GRM5: variants seen among roughly 807,000 people sequenced by gnomAD.
The protein encoded by GRM5 is metabotropic glutamate receptor 5.
GRM5 carries 19 observed loss-of-function variants against 83.1 expected under a neutral mutation model. That is an observed-to-expected ratio of 0.23 (90% CI 0.16 to 0.34). The LOEUF is 0.34. Ranked by LOEUF, GRM5 falls within the 10% of genes least tolerant of loss-of-function variation. The pLI, the probability that GRM5 is intolerant of heterozygous loss-of-function variation, is 1.00. For missense variants in GRM5, 1,160 were observed against 1,588.3 expected (o/e 0.73, Z 4.58); for synonymous variants, 675 against 633.6 (o/e 1.07, Z -0.98).
chr11:88,912,411 A>G (rs1188357269), intron 2 of GRM5, among the ~76,000 whole-genome samples: 1 of 151,546 alleles, frequency 6.6e-6, no homozygotes, highest in African/African-American at 2.4e-5. Flanking sequence ...TTGGCTTCCT[A>G]AAGTGCACAG....
intron 2 of GRM5, among the ~76,000 whole-genome samples, chr11:89,032,170 T>C (rs879868733): frequency 6.6e-6 from 1 of 152,110 alleles, no homozygotes; most frequent in Non-Finnish European, 1.5e-5. Context: ...AAATTTCATG[T>C]AATTGTTTTC....
At chr11:88,861,489 A>G (rs1380739650) in intron 2 of GRM5, among the ~76,000 whole-genome samples, 1 of 152,016 alleles carries the variant, frequency 6.6e-6, no homozygotes, top group Non-Finnish European at 1.5e-5. Context: ...TTCTGAGACA[A>G]GGTTTCACCC....
chr11:88,612,057 A>G (rs1249382670), intron 4 of GRM5, among the ~76,000 whole-genome samples: 3 of 150,186 alleles, frequency 2.0e-5, no homozygotes, highest in Non-Finnish European at 3.0e-5. Flanking sequence ...ATGCTGGTGC[A>G]CTGCACCCAC....
chr11:88,609,816 G>A (rs1479338663), intron 4 of GRM5, among the ~76,000 whole-genome samples: 2 of 152,150 alleles, frequency 1.3e-5, no homozygotes, highest in African/African-American at 4.8e-5. Context: ...TAAGGCTAAT[G>A]TTCAGAATGG....
At chr11:88,542,246 CAGTT>C (rs1591335327) in intron 8 of GRM5, among the ~76,000 whole-genome samples, 1 of 151,982 alleles carries the variant, frequency 6.6e-6, no homozygotes, top group Non-Finnish European at 1.5e-5. Flanking sequence ...GAAAGTCACA[CAGTT>C]AGATGAGGCA....
In GRM5 at chr11:88,508,934, G is replaced by A. The variant is rs1320092222; in HGVS notation, c.3297C>T (p.Ile1099=). ...TCGTGGGCAACTGGATCTCTTTGGG[G>A]ATCAGGTAGGACGAGCAGAGCGGGG... The part of the protein sequence containing the change: ...VGAPLCSSYL[I]PKEIQLPTTM... The change falls in exon 10 of 10, where the codon ATC becomes ATT. Residue 1099 remains isoleucine (I), a synonymous_variant. Transcript: ENST00000305447. This position sits in a 1 kb window ranked among gnomAD's most constrained non-coding sequence, Gnocchi z 4.2. 5 of 1,599,470 alleles carry A rather than the reference G, an allele frequency of 3.1e-6. No individual in the cohort carries two copies. Among genetic ancestry groups the A allele is most frequent in the Non-Finnish European group, 4.3e-6 (5 of 1,173,448 alleles).
At chr11:88,873,270 T>C (rs965720248) in intron 2 of GRM5, among the ~76,000 whole-genome samples, 2 of 151,578 alleles carry the variant, frequency 1.3e-5, no homozygotes, top group Admixed American at 1.3e-4. Flanking sequence ...GCGGTGGGTT[T>C]CAACACCCCA....
intron 3 of GRM5, among the ~76,000 whole-genome samples, chr11:88,755,733 G>A (rs1296328292): frequency 6.6e-6 from 1 of 152,038 alleles, no homozygotes; most frequent in African/African-American, 2.4e-5. Context: ...GGACCCATTT[G>A]CCTCCAAACA....
intron 3 of GRM5, among the ~76,000 whole-genome samples, chr11:88,821,685 C>T (rs1245734527): frequency 6.6e-6 from 1 of 152,148 alleles, no homozygotes; most frequent in East Asian, 1.9e-4. Context: ...TGAATTCCCC[C>T]TGCTTGAAAT....
rs2292102 is a variant in GRM5 at position 88,597,153 on chromosome 11, A to G, written c.1563+31T>C. 7,305 of 1,442,924 alleles carry G rather than the reference A, an allele frequency of 5.1e-3. 150 individuals are homozygous for G. In the East Asian group the frequency reaches 0.061, roughly 12 times the overall value. 89.4% of individuals were successfully genotyped at this position (1,442,924 alleles called of 1,614,324 possible). A position where few individuals can be genotyped will look rare whatever the true frequency, so the allele number is the denominator to read the frequency against. ...TAGTTAACACTGTTGAATTTACAAC[A>G]AAAATGAAAGAAACATAGATTCCAT... On this transcript the variant is annotated intron_variant, in intron 6 of 9. Transcript: ENST00000305447.
chr11:88,918,079 G>T (rs1945624153), intron 2 of GRM5, among the ~76,000 whole-genome samples: 2 of 151,648 alleles, frequency 1.3e-5, no homozygotes, highest in Non-Finnish European at 2.9e-5. Flanking sequence ...CATAAAGGCA[G>T]CAAGAAAAAA....
At chr11:88,538,056 G>C (rs1246484318) in intron 8 of GRM5, among the ~76,000 whole-genome samples, 1 of 149,858 alleles carries the variant, frequency 6.7e-6, no homozygotes, top group Non-Finnish European at 1.5e-5. Flanking sequence ...AAGCTCAAAG[G>C]TTTCTGCACA....
chr11:88,668,295 TCGCACACACACACACACA>T (rs1940102099), intron 3 of GRM5, among the ~76,000 whole-genome samples: 1 of 81,666 alleles, frequency 1.2e-5, no homozygotes, highest in Non-Finnish European at 2.2e-5. Context: ...CCCCAGAAAC[TCGCACACACACACACACA>T]CACACACACA....
rs184896894 is a variant in GRM5 at position 88,838,608 on chromosome 11, T to C, written c.911+11298A>G. On this transcript the variant is annotated intron_variant, in intron 3 of 9. Coordinates refer to ENST00000305447, the MANE Select transcript of GRM5 (RefSeq NM_001143831.3). The stretch of plus-strand genomic sequence containing the variant: ...ATTTAATTTGAGGAAAGGGCTATTA[T>C]TTAATGAACCTTTAAATCCCTAACA... Among the ~76,000 whole-genome samples the C allele has an allele frequency of 4.9e-3, 743 of 152,306 alleles. 5 individuals are homozygous for C. Among genetic ancestry groups the C allele is most frequent in the African/African-American group, 0.017 (702 of 41,562 alleles).
intron 2 of GRM5, among the ~76,000 whole-genome samples, chr11:88,966,746 GA>G (rs1938979248): frequency 6.6e-6 from 1 of 152,116 alleles, no homozygotes; most frequent in Non-Finnish European, 1.5e-5. Context: ...ATGAGACTTT[GA>G]AGTCTCCCCC....
intron 8 of GRM5, among the ~76,000 whole-genome samples, chr11:88,553,972 G>C (rs1942567814): frequency 6.6e-6 from 1 of 152,218 alleles, no homozygotes; most frequent in East Asian, 1.9e-4. Context: ...ATTCATCTGG[G>C]ATCCAGATCT....
At chr11:88,998,370 A>C (rs888122158) in intron 2 of GRM5, among the ~76,000 whole-genome samples, 2 of 152,174 alleles carry the variant, frequency 1.3e-5, no homozygotes, top group Admixed American at 1.3e-4. Flanking sequence ...AAATCAACAT[A>C]AATTCATTGA....
At chr11:88,531,799 T>C (rs1309921099) in intron 8 of GRM5, among the ~76,000 whole-genome samples, 4 of 152,094 alleles carry the variant, frequency 2.6e-5, no homozygotes, top group Admixed American at 6.5e-5. Context: ...TTCTTTCCAA[T>C]AGATAAAATT....
In GRM5 at chr11:89,018,170, A is replaced by T. The variant is rs111231506; in HGVS notation, c.661+29042T>A. ...GTTATTGTTGTCATTGCCATTACAC[A>T]TTTGTTGAATGATTTAGTGAATGAA... On this transcript the variant is annotated intron_variant, in intron 2 of 9. Coordinates refer to ENST00000305447, the MANE Select transcript of GRM5 (RefSeq NM_001143831.3). 6.7e-3 allele frequency among the ~76,000 whole-genome samples: 1,014 copies of T among 152,272 alleles called. 8 individuals are homozygous for T. The highest frequency in any genetic ancestry group is 0.024 in the African/African-American group (981 of 41,548).
Sources: gnomAD v4.1 joint callset for allele counts (sites outside exome capture counted in the v4.1 genomes callset) on GRCh38, gnomAD v4.1.1 for gene constraint, Gnocchi (gnomAD v3.1) non-coding constraint, MANE v1.5 for transcripts, NCBI Gene and HGNC (gene_info 2026-07-23, HGNC 2026-07-21) for gene names.